The following WDR86 variants were observed in gnomAD, a reference collection of about 807,000 sequenced individuals.
WDR86 encodes WD repeat domain 86, also known as WD repeat-containing protein 86.
A neutral mutation model predicts 36.5 loss-of-function variants in WDR86; 30 were observed. The observed-to-expected ratio is 0.82, with a 90% CI of 0.61 to 1.11. The LOEUF is 1.11. Ranked by LOEUF, WDR86 falls within the 50% of genes most tolerant of loss-of-function variation. The probability of loss-of-function intolerance (pLI) is 0.00; values close to 1 mark genes in which losing one functional copy is unlikely to be tolerated. For missense variants in WDR86, 545 were observed against 561.2 expected (o/e 0.97, Z 0.29); for synonymous variants, 255 against 252.9 (o/e 1.01, Z -0.08).
At chr7:151,374,176 G>T (rs1338681848), downstream of WDR86, 1 of 1,575,498 alleles carries the variant, frequency 6.3e-7, no homozygotes, top group Non-Finnish European at 8.6e-7. Context: ...AAAGGGATGG[G>T]CTACTCCACG....
downstream of WDR86, chr7:151,376,664 G>C: frequency 6.2e-7 from 1 of 1,611,386 alleles, no homozygotes; most frequent in Non-Finnish European, 8.5e-7. Flanking sequence ...TGCACTCGTG[G>C]CCGAAGCTGC....
chr7:151,392,512 G>C (rs1799509682), intron 3 of WDR86, among the ~76,000 whole-genome samples: 1 of 152,190 alleles, frequency 6.6e-6, no homozygotes, highest in Non-Finnish European at 1.5e-5. Flanking sequence ...CCTACCCGGG[G>C]GGTGGGCCTT....
At chr7:151,378,951 A>G (rs545188057), downstream of WDR86, among the ~76,000 whole-genome samples, 7 of 152,320 alleles carry the variant, frequency 4.6e-5, no homozygotes, top group African/African-American at 1.2e-4. Context: ...GGCATGCGCT[A>G]TGTCCAGAAT....
intron 2 of WDR86, among the ~76,000 whole-genome samples, chr7:151,397,657 GGGC>G (rs1563059083): frequency 0.042 from 2,898 of 68,546 alleles, 86 homozygotes; most frequent in East Asian, 0.064. Context: ...GCGGGAGGAA[GGGC>G]ATAGCGGGAG....
rs1563040765 is a variant in WDR86, at chr7:151,381,588, C to T, written c.1125G>A (p.Pro375=). ...KVGCAAAPLQ[P]A Reference sequence around the variant, plus strand: ...CTGCAGGGGCCCCGCGGGATCAGGCCGGCTGCAGGGGCGCGGCGGCGCAGC... The same window carrying T: ...CTGCAGGGGCCCCGCGGGATCAGGCTGGCTGCAGGGGCGCGGCGGCGCAGC... Residue 375 remains proline (P), a synonymous_variant, in exon 6 of 6, where the codon CCG becomes CCA. Transcript: ENST00000334493. This position sits in a 1 kb window ranked among gnomAD's most constrained non-coding sequence, Gnocchi z 4.8. The T allele has an allele frequency of 2.9e-6, 4 of 1,370,302 alleles. No homozygotes were observed. Among genetic ancestry groups the T allele is most frequent in the Non-Finnish European group, 3.7e-6 (4 of 1,071,618 alleles). 84.9% of individuals were successfully genotyped at this position (1,370,302 alleles called of 1,614,324 possible). A position where few individuals can be genotyped will look rare whatever the true frequency, so the allele number is the denominator to read the frequency against.
At chr7:151,376,576 C>CG, downstream of WDR86, 1 of 1,490,354 alleles carries the variant, frequency 6.7e-7, no homozygotes, top group Non-Finnish European at 9.1e-7. Context: ...GTATGGCTGA[C>CG]GGGGGTGGCA....
intron 3 of WDR86, 164 bp from the exon 4 acceptor site, chr7:151,385,387 AC>A: frequency 7.8e-7 from 1 of 1,286,118 alleles, no homozygotes; most frequent in Non-Finnish European, 1.0e-6. Context: ...CCACTTCAGC[AC>A]CCAAAAGCAG....
rs1262119762 is a variant in WDR86 at position 151,385,232 on chromosome 7, A to G, written c.727-9T>C. On this transcript the variant is annotated splice_polypyrimidine_tract_variant and intron_variant, in intron 3 of 5. Transcript: ENST00000334493. ...ACGAGTCGGTTCACCAGCTGCGAGGAGGAGCAGGGAAGGTCGGCAGCTGGG... is the reference window on the plus strand; with the variant it reads ...ACGAGTCGGTTCACCAGCTGCGAGGGGGAGCAGGGAAGGTCGGCAGCTGGG... The G allele has an allele frequency of 1.3e-5, 21 of 1,610,422 alleles. No individual in the cohort carries two copies. Among genetic ancestry groups the G allele is most frequent in the Non-Finnish European group, 1.7e-5 (20 of 1,179,858 alleles).
Position 151,406,490 on chromosome 7 carries a change from G to A in WDR86, c.163+2937C>T, listed in dbSNP as rs1281988351. Among the ~76,000 whole-genome samples, 2 of 152,214 alleles carry A rather than the reference G, an allele frequency of 1.3e-5. No homozygotes were observed. The highest frequency in any genetic ancestry group is 4.8e-5 in the African/African-American group (2 of 41,458). On this transcript the variant is annotated intron_variant, in intron 1 of 5. Transcript: ENST00000334493. The surrounding 1 kb of genome is among the most constrained non-coding windows in gnomAD (Gnocchi z 4.4). ...CTCTTGTGGGCCCAGAGCTGTGCAA[G>A]GGCCAGGACGGAACCAAAGTGGAAA...
Position 151,409,614 on chromosome 7 carries a change from A to G in WDR86, c.-25T>C. ...TCCCGCTGGCAGGGCGGGGAACAAGAAGGAGCTGCGCCCCGCTAGGGAGGG... is the reference window on the plus strand; with the variant it reads ...TCCCGCTGGCAGGGCGGGGAACAAGGAGGAGCTGCGCCCCGCTAGGGAGGG... On this transcript the variant is annotated 5_prime_UTR_variant, in exon 1 of 6. Coordinates refer to ENST00000334493, the MANE Select transcript of WDR86 (RefSeq NM_198285.3). The surrounding 1 kb of genome is among the most constrained non-coding windows in gnomAD (Gnocchi z 5.2). The G allele has an allele frequency of 7.3e-7, 1 of 1,363,090 alleles. No homozygotes were observed. Among genetic ancestry groups the G allele is most frequent in the Non-Finnish European group, 9.4e-7 (1 of 1,062,252 alleles). 84.4% of individuals were successfully genotyped at this position (1,363,090 alleles called of 1,614,324 possible). A position where few individuals can be genotyped will look rare whatever the true frequency, so the allele number is the denominator to read the frequency against.
At position 151,396,015 on chromosome 7, in the gene WDR86, C is replaced by T. The variant is rs61740829; in HGVS notation, c.487G>A (p.Gly163Arg). The change falls in exon 3 of 6, where the codon GGG (glycine) becomes AGG (arginine). Residue 163 changes from glycine to arginine, a missense_variant. By Grantham distance (125) the Gly-to-Arg change is moderately radical (BLOSUM62 -2). Transcript: ENST00000334493. ...STPCAEEAAAGGLLVTGSTDG... is the reference protein window; with the variant it reads ...STPCAEEAAARGLLVTGSTDG... ...GTGCTGCCGGTCACCAGAAGCCCCC[C>T]GGCCGCGGCCTCCTCCGCGCAGGGA... The T allele has an allele frequency of 7.0e-4, 1,130 of 1,603,088 alleles. 2 individuals carry two copies. The highest frequency in any genetic ancestry group is 8.7e-4 in the Non-Finnish European group (1,027 of 1,175,162).
chr7:151,381,249 C>T lies in WDR86; in HGVS notation c.*333G>A, dbSNP rs570371747. On this transcript the variant is annotated 3_prime_UTR_variant, in exon 6 of 6. Transcript: ENST00000334493. The surrounding 1 kb of genome is among the most constrained non-coding windows in gnomAD (Gnocchi z 4.8). ...CCTCTCAGCAGGAAAGGCCCAGTTT[C>T]GTGGGGCTGGGGGAGCTGGGGCAGT... 3.5e-5 allele frequency: 46 copies of T among 1,301,372 alleles called. No individual in the cohort carries two copies. In the South Asian group the frequency reaches 4.6e-4, roughly 13 times the overall value. The allele number at this position is 1,301,372 out of a possible 1,614,324, so 80.6% of individuals were successfully genotyped here. A position where few individuals can be genotyped will look rare whatever the true frequency, so the allele number is the denominator to read the frequency against.
chr7:151,391,532 G>C (rs1000778251), intron 3 of WDR86, among the ~76,000 whole-genome samples: 1 of 152,148 alleles, frequency 6.6e-6, no homozygotes, highest in Non-Finnish European at 1.5e-5. Flanking sequence ...CTGGGAGCCC[G>C]GGCGAGACTG....
In WDR86 at chr7:151,409,406, G is replaced by T; in HGVS notation, c.163+21C>A. ...CGGTGAGCTGCGGCGAAGAGGTCAG[G>T]GAGGGAGTGGGAGGGTCTACCTTGC... On this transcript the variant is annotated intron_variant, in intron 1 of 5. Transcript: ENST00000334493. The surrounding 1 kb of genome is among the most constrained non-coding windows in gnomAD (Gnocchi z 5.2). 6.4e-7 allele frequency: 1 copy of T among 1,554,818 alleles called. No homozygotes were observed. The highest frequency in any genetic ancestry group is 8.7e-7 in the Non-Finnish European group (1 of 1,152,724).
intron 1 of WDR86, among the ~76,000 whole-genome samples, chr7:151,403,671 C>T (rs934235033): frequency 1.3e-5 from 2 of 152,206 alleles, no homozygotes; most frequent in African/African-American, 4.8e-5. Flanking sequence ...TTCTGTTTCC[C>T]TTAAAATACA....
chr7:151,381,305 C>T lies in WDR86; in HGVS notation c.*277G>A. The T allele has an allele frequency of 2.3e-6, 3 of 1,328,214 alleles. No homozygotes were observed. Among genetic ancestry groups the T allele is most frequent in the East Asian group, 3.1e-5 (1 of 32,116 alleles). The allele number at this position is 1,328,214 out of a possible 1,614,324, so 82.3% of individuals were successfully genotyped here. ...TGCAGCCCCTGAGGTGGGAGGGTCC[C>T]CAGGACTAGGCCTTTCGCCAGGTCA... On this transcript the variant is annotated 3_prime_UTR_variant, in exon 6 of 6. Coordinates refer to ENST00000334493, the MANE Select transcript of WDR86 (RefSeq NM_198285.3). The surrounding 1 kb of genome is among the most constrained non-coding windows in gnomAD (Gnocchi z 4.8).
intron 2 of WDR86, 44 bp downstream of exon 2, chr7:151,400,056 C>T: frequency 6.7e-7 from 1 of 1,492,396 alleles, no homozygotes; most frequent in Non-Finnish European, 9.0e-7. Flanking sequence ...CCACCAGAAG[C>T]CTATGTATGG....
At position 151,406,287 on chromosome 7, in the gene WDR86, C is replaced by G. The variant is rs2150872874; in HGVS notation, c.163+3140G>C. Reference sequence around the variant, plus strand: ...AGGGAACGGCCTTCACTCTTCCTCTCCCTCTCACCCTTTGGCCCAAACTTT... The same window carrying G: ...AGGGAACGGCCTTCACTCTTCCTCTGCCTCTCACCCTTTGGCCCAAACTTT... On this transcript the variant is annotated intron_variant, in intron 1 of 5. Transcript: ENST00000334493. This position sits in a 1 kb window ranked among gnomAD's most constrained non-coding sequence, Gnocchi z 4.4. Among the ~76,000 whole-genome samples, 1 of 152,300 alleles carries G rather than the reference C, an allele frequency of 6.6e-6. No individual in the cohort carries two copies. Among genetic ancestry groups the G allele is most frequent in the African/African-American group, 2.4e-5 (1 of 41,570 alleles).
intron 3 of WDR86, among the ~76,000 whole-genome samples, chr7:151,385,577 C>T (rs984219631): frequency 6.6e-6 from 1 of 152,228 alleles, no homozygotes; most frequent in Non-Finnish European, 1.5e-5. Context: ...CTGCTCGCTC[C>T]TGCTGGCTGA....
Sources: gnomAD v4.1 joint callset for allele counts (sites outside exome capture counted in the v4.1 genomes callset) on GRCh38, gnomAD v4.1.1 for gene constraint, Gnocchi (gnomAD v3.1) non-coding constraint, MANE v1.5 for transcripts, NCBI Gene and HGNC (gene_info 2026-07-23, HGNC 2026-07-21) for gene names.